PKD1L1: variants seen among roughly 807,000 people sequenced by gnomAD.
PKD1L1 encodes the protein polycystin 1 like 1, transient receptor potential channel interacting, also known as polycystin-1-like protein 1.
Under a neutral mutation model 323.4 loss-of-function variants are expected in PKD1L1, and 236 were observed. That is an observed-to-expected ratio of 0.73 (90% CI 0.66 to 0.81). The LOEUF is 0.81. Among genes scored for constraint, PKD1L1 ranks in the 40% least tolerant of loss-of-function variants. The probability of loss-of-function intolerance (pLI) is 0.00; values close to 1 mark genes in which losing one functional copy is unlikely to be tolerated. For synonymous variants in PKD1L1, 1,344 were observed against 1,335.0 expected, an observed-to-expected ratio of 1.01 and a Z score of -0.15; for missense variants, 3,320 against 3,508.0, an observed-to-expected ratio of 0.95 and a Z score of 1.35.
chr7:47,918,768 C>T (rs528130449), intron 7 of PKD1L1, among the ~76,000 whole-genome samples: 2 of 152,106 alleles, frequency 1.3e-5, no homozygotes, highest in Non-Finnish European at 1.5e-5. Context: ...CCTGAGTGAT[C>T]ACTGGGTCAA....
upstream of PKD1L1, among the ~76,000 whole-genome samples, chr7:47,950,624 C>T (rs1411352772): frequency 5.9e-5 from 9 of 151,988 alleles, 1 homozygote; most frequent in African/African-American, 4.8e-5. Flanking sequence ...GCAGGAGAAT[C>T]GCTTGAACCG....
At chr7:47,890,810 T>G (rs772889108) in intron 15 of PKD1L1, 47 bp from the exon 16 acceptor site, 4 of 1,550,146 alleles carry the variant, frequency 2.6e-6, no homozygotes, top group Non-Finnish European at 3.5e-6. Context: ...TCAGGCAGAG[T>G]CAGGGACTAC....
At chr7:47,898,391 TA>T (rs967760612) in intron 13 of PKD1L1, among the ~76,000 whole-genome samples, 197 bp from the exon 14 acceptor site, 60 of 150,830 alleles carry the variant, frequency 4.0e-4, no homozygotes, top group Admixed American at 5.3e-4. Flanking sequence ...AATAAAAGGT[TA>T]AAAAAAAACC....
chr7:47,829,629 G>A (rs1317089165), intron 43 of PKD1L1, 28 bp from the exon 44 acceptor site: 3 of 1,584,102 alleles, frequency 1.9e-6, no homozygotes, highest in African/African-American at 1.4e-5. Flanking sequence ...ACAGCGCAGA[G>A]AGCCGCCCTA....
At chr7:47,775,438 T>C (rs995551352) in intron 56 of PKD1L1, among the ~76,000 whole-genome samples, 5 of 152,220 alleles carry the variant, frequency 3.3e-5, no homozygotes, top group African/African-American at 1.2e-4. Context: ...CAGGATGTTC[T>C]CTGACCACAG....
chr7:47,868,915 T>C (rs1051161575), intron 24 of PKD1L1, among the ~76,000 whole-genome samples: 19 of 152,062 alleles, frequency 1.2e-4, no homozygotes, highest in Non-Finnish European at 2.6e-4. Flanking sequence ...AAAACAATAA[T>C]TACAACATTG....
chr7:47,949,017 C>T (rs1788158713), upstream of PKD1L1, among the ~76,000 whole-genome samples: 1 of 152,110 alleles, frequency 6.6e-6, no homozygotes, highest in Non-Finnish European at 1.5e-5. Flanking sequence ...CTGCCTGAAA[C>T]AGATCACTAC....
Position 47,844,960 on chromosome 7 carries a change from G to A in PKD1L1, c.5237+35C>T, listed in dbSNP as rs759112108. On this transcript the variant is annotated intron_variant, in intron 33 of 56. Coordinates refer to ENST00000289672, the MANE Select transcript of PKD1L1 (RefSeq NM_138295.5). ...CTGAGTGAACAGTAAAACAAATAAA[G>A]TCTATGAAGTCTTTATGTAGGAAAT... The A allele has an allele frequency of 5.8e-6, 9 of 1,561,744 alleles. No homozygotes were observed. In the Admixed American group the frequency reaches 1.2e-4, roughly 21 times the overall value.
intron 2 of PKD1L1, among the ~76,000 whole-genome samples, chr7:47,942,912 C>T (rs1261871360): frequency 2.6e-5 from 4 of 151,880 alleles, no homozygotes; most frequent in Admixed American, 6.6e-5. Context: ...TTTGGAAGGC[C>T]GAGGTGGGCA....
intron 50 of PKD1L1, 56 bp downstream of exon 50, chr7:47,811,761 G>A: frequency 7.0e-7 from 1 of 1,433,810 alleles, no homozygotes; most frequent in Non-Finnish European, 9.6e-7. Flanking sequence ...CCCAGCCCAG[G>A]TGAAGCCCCA....
intron 19 of PKD1L1, among the ~76,000 whole-genome samples, chr7:47,883,652 G>A (rs759221986): frequency 2.2e-4 from 34 of 152,118 alleles, no homozygotes; most frequent in Admixed American, 3.3e-4. Flanking sequence ...AGAAGAGCAC[G>A]ACACACAGGA....
At chr7:47,887,857 C>G (rs1786717509) in intron 17 of PKD1L1, 133 bp downstream of exon 17, 1 of 855,102 alleles carries the variant, frequency 1.2e-6, no homozygotes, top group African/African-American at 1.7e-5. Flanking sequence ...GCTGGGGAAG[C>G]ACGACGGACC....
chr7:47,879,255 CAGAGA>C, intron 21 of PKD1L1, among the ~76,000 whole-genome samples: 1 of 152,150 alleles, frequency 6.6e-6, no homozygotes, highest in East Asian at 1.9e-4. Flanking sequence ...ATAGAGTTCA[CAGAGA>C]ATGCAAGTTT....
chr7:47,812,278 C>T (rs1398787610), intron 49 of PKD1L1, among the ~76,000 whole-genome samples: 1 of 152,032 alleles, frequency 6.6e-6, no homozygotes, highest in East Asian at 1.9e-4. Flanking sequence ...CCTGCAGCAG[C>T]CCAGGGGACC....
At chr7:47,798,766 A>C (rs921429639) in intron 54 of PKD1L1, among the ~76,000 whole-genome samples, 11 of 147,458 alleles carry the variant, frequency 7.5e-5, no homozygotes, top group Admixed American at 2.0e-4. Context: ...AAAAAAAAAA[A>C]CAAAAAAACC....
chr7:47,820,781 C>T (rs538238008), intron 46 of PKD1L1, among the ~76,000 whole-genome samples: 2 of 151,448 alleles, frequency 1.3e-5, no homozygotes, highest in Admixed American at 6.6e-5. Flanking sequence ...CGAACTGCAA[C>T]CATAGGCTTT....
At chr7:47,937,862 C>T (rs1397460526) in intron 3 of PKD1L1, among the ~76,000 whole-genome samples, 2 of 152,076 alleles carry the variant, frequency 1.3e-5, no homozygotes, top group African/African-American at 4.8e-5. Flanking sequence ...GGTCATGAGG[C>T]CTCTGTTGAC....
chr7:47,850,052 C>T (rs892424241), intron 31 of PKD1L1, among the ~76,000 whole-genome samples: 1 of 152,102 alleles, frequency 6.6e-6, no homozygotes, highest in East Asian at 1.9e-4. Flanking sequence ...TAAAAGACTA[C>T]ACATAGGGTG....
At chr7:47,879,291 A>G (rs6958737) in intron 21 of PKD1L1, among the ~76,000 whole-genome samples, 54,873 of 152,000 alleles carry the variant, frequency 0.36, 11,228 homozygotes, top group African/African-American at 0.56. Context: ...GATAGGTTTT[A>G]ATTAATGCAA....
Sources: allele counts gnomAD v4.1 joint callset (sites outside exome capture counted in the v4.1 genomes callset), GRCh38; gene constraint gnomAD v4.1.1; transcripts MANE v1.5; gene names NCBI Gene and HGNC (gene_info 2026-07-23, HGNC 2026-07-21).